LRBA: variants seen among roughly 807,000 people sequenced by gnomAD.
LRBA encodes lipopolysaccharide-responsive and beige-like anchor protein.
A neutral mutation model predicts 330.0 loss-of-function variants in LRBA; 176 were observed. The observed-to-expected ratio is 0.53, with a 90% CI of 0.47 to 0.60. LRBA has a LOEUF of 0.60. LRBA is among the 20% of genes least tolerant of loss of function. The pLI is 0.00. For missense variants in LRBA, 3,259 were observed against 3,444.8 expected, an observed-to-expected ratio of 0.95 and a Z score of 1.35; for synonymous variants, 1,230 against 1,193.0, an observed-to-expected ratio of 1.03 and a Z score of -0.64.
At chr4:150,808,442 G>T in intron 31 of LRBA, 44 bp from the exon 32 acceptor site, 1 of 1,064,926 alleles carries the variant, frequency 9.4e-7, no homozygotes, top group Non-Finnish European at 1.5e-6. Context: ...TCTGCTTTTA[G>T]ATATGAAGAT....
chr4:150,486,839 C>CTTCTTTTTTTTTTT (rs1353232887), intron 42 of LRBA, among the ~76,000 whole-genome samples: 1 of 151,840 alleles, frequency 6.6e-6, no homozygotes, highest in African/African-American at 2.4e-5. Context: ...CTACTCTCTA[C>CTTCTTTTTTTTTTT]TTCTATGAGT....
intron 53 of LRBA, among the ~76,000 whole-genome samples, chr4:150,300,530 T>A (rs1226765964): frequency 6.6e-6 from 1 of 152,082 alleles, no homozygotes; most frequent in Non-Finnish European, 1.5e-5. Flanking sequence ...GTGCTTCTGA[T>A]AACACCTTAA....
At chr4:150,451,977 C>T (rs1305277975) in intron 44 of LRBA, among the ~76,000 whole-genome samples, 1 of 152,170 alleles carries the variant, frequency 6.6e-6, no homozygotes, top group Non-Finnish European at 1.5e-5. Flanking sequence ...TAAATGGCTT[C>T]ACTCATGAGT....
intron 9 of LRBA, among the ~76,000 whole-genome samples, chr4:150,913,088 C>T (rs927928584): frequency 6.6e-6 from 1 of 152,138 alleles, no homozygotes. Flanking sequence ...AAAAAAGATA[C>T]TTGGTATAAT....
intron 2 of LRBA, among the ~76,000 whole-genome samples, chr4:150,987,076 A>C (rs1741542909): frequency 6.6e-6 from 1 of 152,192 alleles, no homozygotes. Context: ...GTTCCATATC[A>C]AGTTTTCATG....
Position 150,921,140 on chromosome 4 carries a change from T to C in LRBA, c.645+58A>G, listed in dbSNP as rs77882657. ...GTCAGGGGTGTTCACAGGGCTGTAC[T>C]TTCAGGGAGCAAAGGAAAGAAGAAC... is the stretch of plus-strand genomic sequence containing the variant. On this transcript the variant is annotated intron_variant, in intron 5 of 56. Coordinates refer to ENST00000651943, the MANE Select transcript of LRBA (RefSeq NM_001364905.1). 1,053 of 1,177,278 alleles carry C rather than the reference T, an allele frequency of 8.9e-4. 10 individuals carry two copies. The African/African-American group carries it at 0.014, about 16-fold the overall frequency. The allele number at this position is 1,177,278 out of a possible 1,614,324, so 72.9% of individuals were successfully genotyped here.
At chr4:150,968,002 C>CTTTTT (rs35023986) in intron 2 of LRBA, among the ~76,000 whole-genome samples, 1 of 126,082 alleles carries the variant, frequency 7.9e-6, no homozygotes, top group Non-Finnish European at 1.7e-5. Flanking sequence ...ATTTGCACAT[C>CTTTTT]TTTTTTTTTT....
chr4:150,565,518 TA>T (rs1016101619), intron 40 of LRBA, among the ~76,000 whole-genome samples: 1 of 151,798 alleles, frequency 6.6e-6, no homozygotes, highest in African/African-American at 2.4e-5. Flanking sequence ...ATAAAAAATG[TA>T]AAAAAAATAA....
At chr4:150,440,934 T>G (rs775690924) in intron 44 of LRBA, among the ~76,000 whole-genome samples, 76 of 152,110 alleles carry the variant, frequency 5.0e-4, no homozygotes, top group Non-Finnish European at 1.6e-4. Context: ...AGTATTCTGC[T>G]TATGAGATAA....
At chr4:150,564,440 G>A (rs1428343980) in intron 40 of LRBA, among the ~76,000 whole-genome samples, 3 of 152,104 alleles carry the variant, frequency 2.0e-5, no homozygotes, top group African/African-American at 2.4e-5. Context: ...AACCCTAGAA[G>A]AAAACCTAGG....
chr4:150,777,066 T>TTTG (rs70941442), intron 34 of LRBA, among the ~76,000 whole-genome samples: 52,427 of 133,958 alleles, frequency 0.39, 10,058 homozygotes, highest in Admixed American at 0.46. Context: ...TTTGAGGGGT[T>TTTG]TTGTTGTTGT....
Position 150,749,443 on chromosome 4 carries a change from T to C in LRBA, c.5645+12340A>G, listed in dbSNP as rs189610362. On this transcript the variant is annotated intron_variant, in intron 35 of 56. Coordinates refer to ENST00000651943, the MANE Select transcript of LRBA (RefSeq NM_001364905.1). ...TAAAGGAAAAAACAACAACCTTCTG[T>C]GCATCAAAGGACAAACCCAACAGAG... Among the ~76,000 whole-genome samples the C allele has an allele frequency of 1.6e-4, 24 of 152,110 alleles. No homozygotes were observed. The East Asian group carries it at 3.1e-3, about 20-fold the overall frequency.
At chr4:150,768,760 C>T (rs1736124784) in intron 34 of LRBA, among the ~76,000 whole-genome samples, 2 of 151,736 alleles carry the variant, frequency 1.3e-5, no homozygotes, top group South Asian at 2.1e-4. Context: ...TGATGACAGA[C>T]ACCAAAGCAA....
At chr4:150,961,804 T>G (rs1235125247) in intron 2 of LRBA, among the ~76,000 whole-genome samples, 1 of 149,488 alleles carries the variant, frequency 6.7e-6, no homozygotes, top group Non-Finnish European at 1.5e-5. Flanking sequence ...AGTCCACACA[T>G]AGTGCCAAAG....
chr4:150,271,716 C>T (rs1306901814), intron 56 of LRBA, among the ~76,000 whole-genome samples: 8 of 152,150 alleles, frequency 5.3e-5, no homozygotes, highest in Non-Finnish European at 1.2e-4. Flanking sequence ...GGTGGTTTTA[C>T]CCTCACGGTG....
chr4:150,279,969 AAAAC>A (rs1228024747), intron 55 of LRBA, among the ~76,000 whole-genome samples: 1 of 152,254 alleles, frequency 6.6e-6, no homozygotes, highest in Admixed American at 6.5e-5. Flanking sequence ...GTGTTATACT[AAAAC>A]AAAACCACTG....
intron 48 of LRBA, among the ~76,000 whole-genome samples, chr4:150,339,381 G>T (rs1451878786): frequency 6.6e-6 from 1 of 152,054 alleles, no homozygotes; most frequent in African/African-American, 2.4e-5. Context: ...CCAAAACCCA[G>T]AACGCAATTA....
intron 53 of LRBA, among the ~76,000 whole-genome samples, chr4:150,287,052 G>T (rs1275596962): frequency 6.6e-6 from 1 of 152,212 alleles, no homozygotes; most frequent in African/African-American, 2.4e-5. Flanking sequence ...TCTTGATTTG[G>T]ATTGGTTTTA....
intron 37 of LRBA, among the ~76,000 whole-genome samples, chr4:150,657,399 T>C (rs1334145898): frequency 1.3e-5 from 2 of 152,148 alleles, no homozygotes; most frequent in African/African-American, 4.8e-5. Context: ...GTTTCTTACA[T>C]GTGTAAGCAT....
Sources: gnomAD v4.1 joint callset for allele counts (sites outside exome capture counted in the v4.1 genomes callset) on GRCh38, gnomAD v4.1.1 for gene constraint, MANE v1.5 for transcripts, NCBI Gene and HGNC (gene_info 2026-07-23, HGNC 2026-07-21) for gene names.